GPM6B: variants seen among roughly 807,000 people sequenced by gnomAD.
GPM6B encodes the protein neuronal membrane glycoprotein M6-b.
In GPM6B, 4 loss-of-function variants were observed where a neutral mutation model predicts 27.2. The observed-to-expected ratio is 0.15, with a 90% CI of 0.07 to 0.34. GPM6B has a LOEUF of 0.34. GPM6B is among the 10% of genes least tolerant of loss of function. GPM6B has a pLI of 1.00. For synonymous variants in GPM6B, 124 were observed against 103.1 expected, an observed-to-expected ratio of 1.20 and a Z score of -1.23; for missense variants, 183 against 261.9, an observed-to-expected ratio of 0.70 and a Z score of 2.08.
intron 1 of GPM6B, among the ~76,000 whole-genome samples, chrX:13,890,384 T>C (rs975831432): frequency 5.4e-5 from 6 of 111,762 alleles, no homozygotes; most frequent in African/African-American, 1.6e-4. Flanking sequence ...GGAGTAGCCA[T>C]TCTTTTATTC....
chrX:13,875,677 T>C (rs1391895515), intron 1 of GPM6B, among the ~76,000 whole-genome samples: 2 of 112,243 alleles, frequency 1.8e-5, no homozygotes, highest in Non-Finnish European at 3.8e-5. Context: ...TACAATGGAA[T>C]AGCAGTCAAC....
chrX:13,861,419 C>T (rs974923354), intron 1 of GPM6B, among the ~76,000 whole-genome samples: 18 of 111,408 alleles, frequency 1.6e-4, no homozygotes, highest in African/African-American at 5.2e-4. Flanking sequence ...AGTTTACATT[C>T]CCACCAGCAG....
chrX:13,811,252 A>G (rs1438188826), intron 1 of GPM6B, among the ~76,000 whole-genome samples: 2 of 112,547 alleles, frequency 1.8e-5, no homozygotes, highest in East Asian at 5.5e-4. Context: ...GGAAATTGCA[A>G]AAAGGAAAGC....
At chrX:13,904,950 T>G (rs1249039517) in intron 1 of GPM6B, among the ~76,000 whole-genome samples, 1 of 110,253 alleles carries the variant, frequency 9.1e-6, no homozygotes, top group African/African-American at 3.3e-5. Flanking sequence ...TCAAGAAAAA[T>G]CACGCCAGAT....
At chrX:13,915,633 T>C (rs1317353028) in intron 1 of GPM6B, among the ~76,000 whole-genome samples, 2 of 112,874 alleles carry the variant, frequency 1.8e-5, no homozygotes, top group Non-Finnish European at 1.9e-5. Flanking sequence ...CATTAGTTGA[T>C]TCAGGTGAAA....
chrX:13,789,303 T>C (rs2048667950), intron 2 of GPM6B, among the ~76,000 whole-genome samples: 1 of 111,921 alleles, frequency 8.9e-6, no homozygotes, highest in African/African-American at 3.2e-5. Flanking sequence ...CTTTGAACAC[T>C]GGGCAATTTA....
chrX:13,783,943 TC>T, intron 3 of GPM6B: 1 of 317,539 alleles, frequency 3.1e-6, no homozygotes, highest in East Asian at 1.0e-4. Context: ...TCAAAATGCC[TC>T]CCAACCAGGC....
chrX:13,775,271 A>T (rs2048390191), intron 7 of GPM6B, among the ~76,000 whole-genome samples: 1 of 112,864 alleles, frequency 8.9e-6, no homozygotes, highest in Non-Finnish European at 1.9e-5. Context: ...TTCATTTGTA[A>T]TCCTTAATAC....
chrX:13,847,530 C>A (rs1309613593), intron 1 of GPM6B, among the ~76,000 whole-genome samples: 1 of 111,827 alleles, frequency 8.9e-6, no homozygotes, highest in Non-Finnish European at 1.9e-5. Context: ...TTACAATATC[C>A]ATTTCTTTAT....
chrX:13,876,391 G>A (rs886159991), intron 1 of GPM6B, among the ~76,000 whole-genome samples: 3 of 112,435 alleles, frequency 2.7e-5, no homozygotes, highest in African/African-American at 9.7e-5. Context: ...CAACATGTCT[G>A]CATCATTATC....
chrX:13,821,597 T>A (rs1404245656), upstream of GPM6B, among the ~76,000 whole-genome samples: 1 of 112,032 alleles, frequency 8.9e-6, no homozygotes, highest in Admixed American at 9.4e-5. Context: ...ATCACTTTTT[T>A]TTTCTTTTTC....
intron 5 of GPM6B, 48 bp from the exon 6 acceptor site, chrX:13,777,473 A>T: frequency 7.8e-6 from 7 of 893,777 alleles, no homozygotes; most frequent in Non-Finnish European, 1.2e-5. Context: ...ATAGCGCCTC[A>T]TGTTCTTAAC....
chrX:13,849,319 TTTTCTTACCACTTTAGC>T (rs1276091919), intron 1 of GPM6B, among the ~76,000 whole-genome samples: 1 of 112,477 alleles, frequency 8.9e-6, no homozygotes, highest in Non-Finnish European at 1.9e-5. Context: ...CCACAAGGCA[TTTTCTTACCACTTTAGC>T]TTTCTGTGAA....
intron 1 of GPM6B, among the ~76,000 whole-genome samples, chrX:13,811,793 T>C (rs1375852965): frequency 8.9e-6 from 1 of 112,009 alleles, no homozygotes; most frequent in African/African-American, 3.2e-5. Flanking sequence ...GCTTATCAAA[T>C]AGGAAATTAT....
Position 13,888,393 on chromosome X carries a change from TA to T in GPM6B, c.-198+49933del, listed in dbSNP as rs756603200. ...CTTACACATTTCTGTTTCGCCCTAG[TA>T]AATGAAATCAGAAGCTGCATCTGTC... On this transcript the variant is annotated intron_variant, in intron 1 of 6. Coordinates refer to the GPM6B transcript ENST00000398361. 7.1e-5 allele frequency among the ~76,000 whole-genome samples: 8 copies of T among 112,201 alleles called. No individual in the cohort carries two copies. The East Asian group carries it at 2.2e-3, about 31-fold the overall frequency.
At chrX:13,866,380 G>T (rs1168082549) in intron 1 of GPM6B, among the ~76,000 whole-genome samples, 1 of 111,998 alleles carries the variant, frequency 8.9e-6, no homozygotes, top group East Asian at 2.8e-4. Context: ...GTAGGAAGAG[G>T]TCACTCAATG....
chrX:13,817,496 G>A (rs2049259473), upstream of GPM6B: 1 of 187,960 alleles, frequency 5.3e-6, no homozygotes, highest in South Asian at 2.5e-4. Context: ...TAAGGAGAAT[G>A]CATGTCTTTG....
intron 2 of GPM6B, among the ~76,000 whole-genome samples, chrX:13,804,774 A>T (rs1230056750): frequency 9.8e-6 from 1 of 102,383 alleles, no homozygotes. Flanking sequence ...CCATGGAAAA[A>T]GGCTGACAAC....
rs1031646029 is a variant in GPM6B, at chrX:13,896,994, C to T, written c.-198+41333G>A. Among the ~76,000 whole-genome samples, 3 of 111,888 alleles carry T rather than the reference C, an allele frequency of 2.7e-5. No homozygotes were observed. In the South Asian group the frequency reaches 1.1e-3, roughly 42 times the overall value. ...GTTCAGTTCATTAACTTGATTTTAC[C>T]CATGGAAACACAAATAAAGAACATT... On this transcript the variant is annotated intron_variant, in intron 1 of 6. Transcript: ENST00000398361.
Sources: allele counts gnomAD v4.1 joint callset (sites outside exome capture counted in the v4.1 genomes callset), GRCh38; gene constraint gnomAD v4.1.1; transcripts MANE v1.5; gene names NCBI Gene and HGNC (gene_info 2026-07-23, HGNC 2026-07-21).